CRYBB2: variants seen among roughly 807,000 people sequenced by gnomAD.
CRYBB2 encodes the protein beta-crystallin B2.
CRYBB2 carries 12 observed loss-of-function variants against 24.3 expected under a neutral mutation model. That is an observed-to-expected ratio of 0.49 (90% CI 0.32 to 0.80). The LOEUF (loss-of-function observed/expected upper bound fraction) is 0.80, where lower values mean the gene tolerates loss of function less well. Among genes scored for constraint, CRYBB2 ranks in the 30% least tolerant of loss-of-function variants. The pLI, the probability that CRYBB2 is intolerant of heterozygous loss-of-function variation, is 0.04. For missense variants in CRYBB2, 198 were observed against 268.5 expected (o/e 0.74, Z 1.83); for synonymous variants, 98 against 101.6 (o/e 0.96, Z 0.21).
chr22:25,218,978 CAT>C (rs1190802731), upstream of CRYBB2, among the ~76,000 whole-genome samples: 2 of 152,148 alleles, frequency 1.3e-5, no homozygotes, highest in African/African-American at 2.4e-5. Context: ...CTATTTGTCA[CAT>C]GTCATGCTTT....
upstream of CRYBB2, among the ~76,000 whole-genome samples, chr22:25,217,997 C>T (rs1331098549): frequency 2.6e-5 from 4 of 152,040 alleles, no homozygotes; most frequent in East Asian, 2.0e-4. Flanking sequence ...CGGTGGCTCA[C>T]GCCTGTAATC....
At chr22:25,220,782 C>G (rs557164178) in intron 1 of CRYBB2, among the ~76,000 whole-genome samples, 7 of 152,196 alleles carry the variant, frequency 4.6e-5, no homozygotes, top group Non-Finnish European at 8.8e-5. Flanking sequence ...TGCCACAGTG[C>G]CTGGATTTCT....
chr22:25,221,257 G>A (rs1715207555), intron 1 of CRYBB2, 147 bp from the exon 2 acceptor site: 2 of 655,262 alleles, frequency 3.1e-6, no homozygotes, highest in South Asian at 3.1e-5. Context: ...TGAAGTAGCT[G>A]CTTACGGACC....
chr22:25,224,704 G>A (rs1479527001), intron 2 of CRYBB2, among the ~76,000 whole-genome samples: 1 of 152,090 alleles, frequency 6.6e-6, no homozygotes, highest in Non-Finnish European at 1.5e-5. Flanking sequence ...TTACAGACGG[G>A]GAGACTGACG....
chr22:25,230,116 G>T (rs1205036408), intron 5 of CRYBB2, among the ~76,000 whole-genome samples: 3 of 151,856 alleles, frequency 2.0e-5, no homozygotes, highest in African/African-American at 7.3e-5. Flanking sequence ...GCTTTGGGCA[G>T]CGGTGTGCTG....
At chr22:25,226,102 C>T (rs994793698) in intron 3 of CRYBB2, among the ~76,000 whole-genome samples, 11 of 150,878 alleles carry the variant, frequency 7.3e-5, no homozygotes, top group Non-Finnish European at 1.2e-4. Context: ...GGCAAAAAAC[C>T]GTATGACTTG....
chr22:25,218,798 G>GAA (rs1215275274), upstream of CRYBB2, among the ~76,000 whole-genome samples: 12 of 98,406 alleles, frequency 1.2e-4, no homozygotes, highest in East Asian at 7.5e-4. Context: ...AAGAAAGAAA[G>GAA]AAAGAAAGAA....
chr22:25,216,719 C>G (rs77018047), upstream of CRYBB2, among the ~76,000 whole-genome samples: 531 of 152,258 alleles, frequency 3.5e-3, 1 homozygote, highest in African/African-American at 0.012. Flanking sequence ...TCACCACTAT[C>G]CATCCCCAGC....
At chr22:25,213,639 ATGTT>A (rs913938525) in intron 1 of CRYBB2, 9 of 152,158 alleles carry the variant, frequency 5.9e-5, no homozygotes, top group African/African-American at 1.9e-4. Context: ...TACACCAGTC[ATGTT>A]TGTTCAGAAT....
intron 1 of CRYBB2, among the ~76,000 whole-genome samples, chr22:25,220,919 G>C (rs926364715): frequency 1.3e-4 from 20 of 152,308 alleles, no homozygotes; most frequent in African/African-American, 4.6e-4. Context: ...AGGAGTCCCA[G>C]GGAGAGGGTG....
At chr22:25,221,722 C>T (rs1039319310) in intron 2 of CRYBB2, among the ~76,000 whole-genome samples, 9 of 152,338 alleles carry the variant, frequency 5.9e-5, no homozygotes, top group Admixed American at 5.9e-4. Flanking sequence ...TTCAGTTTCT[C>T]TCTCCCTTAC....
chr22:25,218,762 AG>A (rs1193722364), upstream of CRYBB2, among the ~76,000 whole-genome samples: 80 of 43,208 alleles, frequency 1.9e-3, no homozygotes, highest in Non-Finnish European at 2.4e-3. Context: ...AGAGAGAGAG[AG>A]AGAGAGAGAG....
At chr22:25,231,334 GTA>G (rs1935527928) in intron 5 of CRYBB2, among the ~76,000 whole-genome samples, 1 of 72,266 alleles carries the variant, frequency 1.4e-5, no homozygotes, top group Non-Finnish European at 2.5e-5. Context: ...GTACAGTACA[GTA>G]CAGTACAGTA....
At chr22:25,227,406 T>C (rs1485297890) in intron 3 of CRYBB2, among the ~76,000 whole-genome samples, 1 of 151,938 alleles carries the variant, frequency 6.6e-6, no homozygotes, top group African/African-American at 2.4e-5. Context: ...GCATCTCTCT[T>C]CCTAACTTCA....
At chr22:25,230,838 T>A (rs1037509683) in intron 5 of CRYBB2, among the ~76,000 whole-genome samples, 3 of 150,920 alleles carry the variant, frequency 2.0e-5, no homozygotes, top group Non-Finnish European at 4.4e-5. Flanking sequence ...AGAATTCACA[T>A]GAATCTAAGC....
At chr22:25,213,758 C>G (rs1468870925) in intron 1 of CRYBB2, 4 of 152,194 alleles carry the variant, frequency 2.6e-5, no homozygotes, top group Non-Finnish European at 5.9e-5. Context: ...TTCTCTGGCT[C>G]GCTTCCCCAC....
At chr22:25,216,055 T>C (rs1039249904), upstream of CRYBB2, among the ~76,000 whole-genome samples, 1 of 152,214 alleles carries the variant, frequency 6.6e-6, no homozygotes, top group Non-Finnish European at 1.5e-5. Flanking sequence ...AAGATGAGTA[T>C]GGACAGTGCC....
At chr22:25,230,156 T>C (rs1446279263) in intron 5 of CRYBB2, among the ~76,000 whole-genome samples, 4 of 43,662 alleles carry the variant, frequency 9.2e-5, no homozygotes, top group Middle Eastern at 0.014. Flanking sequence ...TGTAAGAACT[T>C]TTTTTTTTTT....
intron 1 of CRYBB2, 97 bp from the exon 2 acceptor site, chr22:25,221,307 A>C: frequency 1.3e-6 from 1 of 785,502 alleles, no homozygotes; most frequent in Non-Finnish European, 2.3e-6. Context: ...AGAAAAAGAG[A>C]ATGTTTGGGG....
Sources: gnomAD v4.1 joint callset for allele counts (sites outside exome capture counted in the v4.1 genomes callset) on GRCh38, gnomAD v4.1.1 for gene constraint, MANE v1.5 for transcripts, NCBI Gene and HGNC (gene_info 2026-07-23, HGNC 2026-07-21) for gene names.